Variants in CNTNAP5 observed in about 807,000 individuals in gnomAD.
The protein encoded by CNTNAP5 is contactin associated protein family member 5, also known as contactin-associated protein-like 5.
In CNTNAP5, 72 loss-of-function variants were observed where a neutral mutation model predicts 150.2. The observed-to-expected ratio is 0.48, with a 90% CI of 0.40 to 0.58. CNTNAP5 has a LOEUF of 0.58. Among genes scored for constraint, CNTNAP5 ranks in the 20% least tolerant of loss-of-function variants. The pLI is 0.00. For missense variants in CNTNAP5, 1,636 were observed against 1,626.2 expected, an observed-to-expected ratio of 1.01 and a Z score of -0.10; for synonymous variants, 672 against 619.8, an observed-to-expected ratio of 1.08 and a Z score of -1.25.
chr2:124,233,606 A>G (rs1277020618), intron 2 of CNTNAP5, among the ~76,000 whole-genome samples: 3 of 152,136 alleles, frequency 2.0e-5, no homozygotes, highest in Non-Finnish European at 4.4e-5. Context: ...GATAGAGAAT[A>G]ATCAACCATG....
intron 10 of CNTNAP5, among the ~76,000 whole-genome samples, chr2:124,560,442 C>A (rs545659057): frequency 1.3e-5 from 2 of 151,412 alleles, no homozygotes; most frequent in East Asian, 3.9e-4. Flanking sequence ...TCGCTGGAAC[C>A]CAGGAGGTGG....
At chr2:124,418,361 T>G (rs1691984395) in intron 4 of CNTNAP5, among the ~76,000 whole-genome samples, 1 of 152,192 alleles carries the variant, frequency 6.6e-6, no homozygotes, top group South Asian at 2.1e-4. Context: ...ATTCCTGTTT[T>G]GGGCTGTAGG....
At chr2:124,889,856 C>T (rs764466560) in intron 21 of CNTNAP5, among the ~76,000 whole-genome samples, 4 of 152,078 alleles carry the variant, frequency 2.6e-5, no homozygotes, top group South Asian at 2.1e-4. Flanking sequence ...ATTATCGCCA[C>T]TGTTATATGT....
At chr2:124,403,525 C>T (rs74546069) in intron 3 of CNTNAP5, among the ~76,000 whole-genome samples, 12,531 of 152,228 alleles carry the variant, frequency 0.082, 615 homozygotes, top group South Asian at 0.19. Context: ...CATTAAGATG[C>T]TGTTTGTAAA....
chr2:124,309,158 G>A (rs1485622101), intron 3 of CNTNAP5, among the ~76,000 whole-genome samples: 1 of 152,142 alleles, frequency 6.6e-6, no homozygotes, highest in Non-Finnish European at 1.5e-5. Context: ...ACAATATACT[G>A]TAATAAAAGT....
At chr2:124,566,205 G>C (rs960434964) in intron 11 of CNTNAP5, among the ~76,000 whole-genome samples, 1 of 152,208 alleles carries the variant, frequency 6.6e-6, no homozygotes, top group Admixed American at 6.5e-5. Context: ...CAACTGAAAT[G>C]GCCATCAATT....
intron 13 of CNTNAP5, among the ~76,000 whole-genome samples, chr2:124,650,493 A>G (rs553717197): frequency 1.5e-3 from 229 of 152,332 alleles, no homozygotes; most frequent in African/African-American, 5.2e-3. Context: ...GCATACACCT[A>G]CATGAATGTT....
intron 3 of CNTNAP5, among the ~76,000 whole-genome samples, chr2:124,352,205 GT>G (rs1689888279): frequency 6.6e-6 from 1 of 151,954 alleles, no homozygotes; most frequent in South Asian, 2.1e-4. Flanking sequence ...TGGAAGATTC[GT>G]TTTTCTATGA....
intron 3 of CNTNAP5, among the ~76,000 whole-genome samples, chr2:124,371,958 A>G (rs866162156): frequency 1.1e-4 from 16 of 152,118 alleles, no homozygotes; most frequent in Admixed American, 3.9e-4. Flanking sequence ...CTGGTGAAGC[A>G]TTATATCTGG....
intron 19 of CNTNAP5, among the ~76,000 whole-genome samples, chr2:124,825,114 C>G (rs974324355): frequency 1.3e-5 from 2 of 152,084 alleles, no homozygotes; most frequent in African/African-American, 4.8e-5. Context: ...ATTGAGATAA[C>G]TATTTTAACT....
rs372569415 is a variant in CNTNAP5, at chr2:124,739,907, A to T, written c.2078-7322A>T. On this transcript the variant is annotated intron_variant, in intron 13 of 23. Coordinates refer to ENST00000682447, the MANE Select transcript of CNTNAP5 (RefSeq NM_001367498.1). The stretch of plus-strand genomic sequence containing the variant: ...TCTCACTCTGACTTCCATTACTCTT[A>T]GCTGTGTGCGGGACCTCCTTCCTAT... Among the ~76,000 whole-genome samples the T allele has an allele frequency of 3.0e-3, 454 of 151,998 alleles. 3 individuals are homozygous for T. The highest frequency in any genetic ancestry group is 0.01 in the African/African-American group (428 of 41,462).
In CNTNAP5 at chr2:124,755,985, G is replaced by C. The variant is rs185350747; in HGVS notation, c.2235-7687G>C. Among the ~76,000 whole-genome samples the C allele has an allele frequency of 1.1e-3, 164 of 152,240 alleles. 3 individuals carry two copies. In the East Asian group the frequency reaches 0.023, roughly 21 times the overall value. ...GGTTTCTAATTTATTTTTTAAAAGT[G>C]GGGGAATATCTATCTCTGGGAAATA... On this transcript the variant is annotated intron_variant, in intron 14 of 23. Coordinates refer to ENST00000682447, the MANE Select transcript of CNTNAP5 (RefSeq NM_001367498.1).
chr2:124,445,248 C>T (rs2104804981), intron 5 of CNTNAP5, among the ~76,000 whole-genome samples: 1 of 151,908 alleles, frequency 6.6e-6, no homozygotes, highest in Non-Finnish European at 1.5e-5. Context: ...CATCACCTTG[C>T]CTGGCTAATT....
intron 10 of CNTNAP5, among the ~76,000 whole-genome samples, chr2:124,552,904 A>G (rs907914973): frequency 3.3e-5 from 5 of 152,266 alleles, no homozygotes; most frequent in South Asian, 2.1e-4. Flanking sequence ...ATTCTACAGT[A>G]TGGGTGTACC....
intron 19 of CNTNAP5, among the ~76,000 whole-genome samples, chr2:124,827,341 C>G (rs2104676496): frequency 6.6e-6 from 1 of 152,280 alleles, no homozygotes; most frequent in East Asian, 1.9e-4. Context: ...GGATTCCCCT[C>G]AAATCTCACT....
intron 3 of CNTNAP5, among the ~76,000 whole-genome samples, chr2:124,328,077 G>A (rs1689264517): frequency 6.6e-6 from 1 of 151,956 alleles, no homozygotes; most frequent in African/African-American, 2.4e-5. Flanking sequence ...ATAAAAAAAA[G>A]CAGAGCTACA....
At chr2:124,897,714 G>A (rs372784804) in intron 21 of CNTNAP5, among the ~76,000 whole-genome samples, 8 of 151,430 alleles carry the variant, frequency 5.3e-5, no homozygotes, top group African/African-American at 2.0e-4. Context: ...AGAAAAAAAA[G>A]GGTGGAGGGG....
Position 124,147,637 on chromosome 2 carries a change from A to T in CNTNAP5, c.83-74068A>T, listed in dbSNP as rs190120917. On this transcript the variant is annotated intron_variant, in intron 1 of 23. Transcript: ENST00000682447. Reference sequence around the variant, plus strand: ...ACATTTTGCTCCAGATGTCCTTCTGACAGCGCTACAGCTCTGGAGTGGGTT... The same window carrying T: ...ACATTTTGCTCCAGATGTCCTTCTGTCAGCGCTACAGCTCTGGAGTGGGTT... Among the ~76,000 whole-genome samples the T allele has an allele frequency of 2.5e-3, 376 of 152,340 alleles. 5 individuals carry two copies. In the South Asian group the frequency reaches 0.03, roughly 12 times the overall value.
intron 13 of CNTNAP5, among the ~76,000 whole-genome samples, chr2:124,718,245 A>G (rs1037838792): frequency 6.6e-6 from 1 of 152,172 alleles, no homozygotes; most frequent in Non-Finnish European, 1.5e-5. Context: ...TTCATTAATT[A>G]CCTCCTCTTT....
Sources: allele counts gnomAD v4.1 joint callset (sites outside exome capture counted in the v4.1 genomes callset), GRCh38; gene constraint gnomAD v4.1.1; transcripts MANE v1.5; gene names NCBI Gene and HGNC (gene_info 2026-07-23, HGNC 2026-07-21).